Variants in EPHA7 observed in about 807,000 individuals in gnomAD.
EPHA7 encodes ephrin type-A receptor 7.
EPHA7 carries 25 observed loss-of-function variants against 112.6 expected under a neutral mutation model. The ratio of observed to expected loss-of-function variants is 0.22; its 90% CI spans 0.16 to 0.31. The LOEUF is 0.31. EPHA7 is among the 10% of genes least tolerant of loss of function. The pLI, the probability that EPHA7 is intolerant of heterozygous loss-of-function variation, is 1.00. For synonymous variants in EPHA7, 437 were observed against 406.5 expected, an observed-to-expected ratio of 1.07 and a Z score of -0.90; for missense variants, 962 against 1,212.6, an observed-to-expected ratio of 0.79 and a Z score of 3.07.
At chr6:93,249,742 C>G (rs1336347295) in intron 14 of EPHA7, among the ~76,000 whole-genome samples, 5 of 152,160 alleles carry the variant, frequency 3.3e-5, no homozygotes, top group East Asian at 1.9e-4. Context: ...TTCCTTTTTT[C>G]TTTCCCTCCA....
chr6:93,402,499 T>C (rs1443177188), intron 3 of EPHA7, among the ~76,000 whole-genome samples: 1 of 152,030 alleles, frequency 6.6e-6, no homozygotes, highest in Admixed American at 6.6e-5. Flanking sequence ...GTTCTAGATC[T>C]GTGTATGTTA....
At chr6:93,358,185 T>C in intron 4 of EPHA7, 71 bp downstream of exon 4, 1 of 1,148,242 alleles carries the variant, frequency 8.7e-7, no homozygotes, top group Non-Finnish European at 1.2e-6. Flanking sequence ...AATATCTATT[T>C]CATTGATGTC....
intron 7 of EPHA7, among the ~76,000 whole-genome samples, chr6:93,266,251 C>T (rs1221396324): frequency 2.6e-5 from 4 of 151,422 alleles, no homozygotes; most frequent in South Asian, 2.1e-4. Context: ...TGGAGTAGTT[C>T]CAGTCATGAG....
chr6:93,406,434 T>C (rs1306331246), intron 3 of EPHA7, among the ~76,000 whole-genome samples: 1 of 151,778 alleles, frequency 6.6e-6, no homozygotes, highest in Non-Finnish European at 1.5e-5. Context: ...CTACATAGAA[T>C]AAAGTTTCAT....
intron 5 of EPHA7, among the ~76,000 whole-genome samples, chr6:93,311,119 T>A: frequency 1.6e-5 from 1 of 63,022 alleles, no homozygotes; most frequent in African/African-American, 6.2e-5. Flanking sequence ...CAGCTATTTT[T>A]TTTTTTTTTT....
intron 5 of EPHA7, among the ~76,000 whole-genome samples, chr6:93,341,394 CGTGT>C: frequency 6.6e-6 from 1 of 150,630 alleles, no homozygotes; most frequent in South Asian, 2.1e-4. Context: ...TTTGAGTGTG[CGTGT>C]GTGTGTGTGT....
intron 5 of EPHA7, among the ~76,000 whole-genome samples, chr6:93,306,783 T>C (rs538650302): frequency 1.3e-5 from 2 of 152,136 alleles, no homozygotes; most frequent in African/African-American, 4.8e-5. Flanking sequence ...TCCCTCAGTT[T>C]TATTTTCACT....
At chr6:93,267,918 CTATT>C (rs911001030) in intron 7 of EPHA7, among the ~76,000 whole-genome samples, 1 of 151,524 alleles carries the variant, frequency 6.6e-6, no homozygotes, top group Non-Finnish European at 1.5e-5. Flanking sequence ...TAAGTTTAAA[CTATT>C]TATTAAAAGA....
intron 3 of EPHA7, among the ~76,000 whole-genome samples, chr6:93,399,221 T>A (rs1582668729): frequency 3.3e-5 from 5 of 152,198 alleles, no homozygotes; most frequent in Admixed American, 3.3e-4. Context: ...CATTTCCTAA[T>A]CATTAATTGC....
chr6:93,418,040 C>CATGACCT (rs1779333221), intron 1 of EPHA7, among the ~76,000 whole-genome samples: 1 of 152,102 alleles, frequency 6.6e-6, no homozygotes, highest in African/African-American at 2.4e-5. Context: ...CGATAACCAC[C>CATGACCT]ATGACCTAAA....
intron 5 of EPHA7, among the ~76,000 whole-genome samples, chr6:93,335,097 T>C (rs1167182965): frequency 6.6e-6 from 1 of 152,094 alleles, no homozygotes. Context: ...TCTCTCAGCA[T>C]TTGGAGTAAT....
At chr6:93,390,117 C>T (rs1361966948) in intron 3 of EPHA7, among the ~76,000 whole-genome samples, 2 of 151,536 alleles carry the variant, frequency 1.3e-5, no homozygotes, top group Non-Finnish European at 3.0e-5. Context: ...ACCACATCAA[C>T]TATATTGTAT....
chr6:93,273,430 T>C (rs976179508), intron 5 of EPHA7, among the ~76,000 whole-genome samples: 2 of 151,362 alleles, frequency 1.3e-5, no homozygotes, highest in African/African-American at 2.4e-5. Context: ...AAAGCAATTA[T>C]ATGGGACCAA....
intron 5 of EPHA7, among the ~76,000 whole-genome samples, chr6:93,297,213 G>C (rs1017541439): frequency 1.3e-5 from 2 of 151,894 alleles, no homozygotes; most frequent in South Asian, 2.1e-4. Flanking sequence ...TTCACAGAAG[G>C]CATTTTCATT....
At chr6:93,396,386 CTTT>C (rs34174036) in intron 3 of EPHA7, among the ~76,000 whole-genome samples, 1 of 151,684 alleles carries the variant, frequency 6.6e-6, no homozygotes, top group Non-Finnish European at 1.5e-5. Flanking sequence ...ATATATTTTG[CTTT>C]TTACTAGTGG....
chr6:93,310,467 C>A (rs1217847736), intron 5 of EPHA7, among the ~76,000 whole-genome samples: 3 of 152,100 alleles, frequency 2.0e-5, no homozygotes, highest in East Asian at 1.9e-4. Context: ...GAGTTCAAGA[C>A]CAGCCTGGCC....
intron 5 of EPHA7, among the ~76,000 whole-genome samples, chr6:93,318,350 G>A (rs1463137133): frequency 2.6e-5 from 4 of 151,904 alleles, no homozygotes; most frequent in Non-Finnish European, 1.5e-5. Context: ...TGAAAGATAT[G>A]CACAGAAAGA....
At chr6:93,406,666 A>G (rs74589479) in intron 3 of EPHA7, among the ~76,000 whole-genome samples, 37 of 152,008 alleles carry the variant, frequency 2.4e-4, no homozygotes, top group African/African-American at 8.7e-4. Context: ...TAAATGAGAA[A>G]ATGAATGTGA....
intron 5 of EPHA7, among the ~76,000 whole-genome samples, chr6:93,307,605 C>T (rs1773321802): frequency 6.6e-6 from 1 of 152,138 alleles, no homozygotes; most frequent in Non-Finnish European, 1.5e-5. Flanking sequence ...AGTTTATTTG[C>T]ACTCCCCTTA....
Sources: allele counts gnomAD v4.1 joint callset (sites outside exome capture counted in the v4.1 genomes callset), GRCh38; gene constraint gnomAD v4.1.1; transcripts MANE v1.5; gene names NCBI Gene and HGNC (gene_info 2026-07-23, HGNC 2026-07-21).